Variants in CIZ1 observed in about 807,000 individuals in gnomAD.
CIZ1 encodes the protein cip1-interacting zinc finger protein.
Under a neutral mutation model 118.6 loss-of-function variants are expected in CIZ1, and 58 were observed. The ratio of observed to expected loss-of-function variants is 0.49; its 90% CI spans 0.40 to 0.61. CIZ1 has a LOEUF of 0.61. Ranked by LOEUF, CIZ1 falls within the 20% of genes least tolerant of loss-of-function variation. The pLI, the probability that CIZ1 is intolerant of heterozygous loss-of-function variation, is 0.00. For synonymous variants in CIZ1, 448 were observed against 443.4 expected (o/e 1.01, Z -0.13); for missense variants, 921 against 1,115.9 (o/e 0.83, Z 2.49).
At chr9:128,181,910 G>C (rs1436668813) in intron 5 of CIZ1, among the ~76,000 whole-genome samples, 1 of 152,184 alleles carries the variant, frequency 6.6e-6, no homozygotes, top group African/African-American at 2.4e-5. Context: ...GTGCTTCAGT[G>C]GTCACGCTCC....
At position 128,178,548 on chromosome 9, in the gene CIZ1, C is replaced by T. The variant is rs923074975; in HGVS notation, c.1499-58G>A. ...TCCCCAGGCCCAAGAGCTGCCTTCTCCGTCCGCAGCCAGAACCTTGAGGCC... is the reference window on the plus strand; with the variant it reads ...TCCCCAGGCCCAAGAGCTGCCTTCTTCGTCCGCAGCCAGAACCTTGAGGCC... On this transcript the variant is annotated intron_variant, in intron 8 of 16. Transcript: ENST00000372938. The T allele has an allele frequency of 9.9e-6, 16 of 1,611,340 alleles. No homozygotes were observed. The Admixed American group carries it at 1.9e-4, about 19-fold the overall frequency.
chr9:128,181,184 C>T (rs985723074), intron 5 of CIZ1, among the ~76,000 whole-genome samples: 5 of 152,066 alleles, frequency 3.3e-5, no homozygotes, highest in African/African-American at 7.2e-5. Flanking sequence ...AGCACAATCC[C>T]GGCTCACTGC....
In CIZ1 at chr9:128,178,963, G is replaced by T. The variant is rs546534863; in HGVS notation, c.1244C>A (p.Pro415His). 3.7e-6 allele frequency: 6 copies of T among 1,613,542 alleles called. No homozygotes were observed. In the East Asian group the frequency reaches 6.7e-5, roughly 18 times the overall value. Residue 415 changes from proline to histidine, a missense_variant, in exon 8 of 17, where the codon CCC becomes CAC. By Grantham distance (77) the Pro-to-His change is moderately conservative. Transcript: ENST00000372938. Reference sequence around the variant, plus strand: ...CAGCTGCAGCTGCACCTGCCTTGGGGGCTGTGAATGTGCCTGGGGCTGCAC... The same window carrying T: ...CAGCTGCAGCTGCACCTGCCTTGGGTGCTGTGAATGTGCCTGGGGCTGCAC... Reference protein sequence around the residue: ...PQVQPQAHSQPPRQVQLQLQK... With the variant: ...PQVQPQAHSQHPRQVQLQLQK...
At chr9:128,187,784 T>C (rs1832563090) in intron 4 of CIZ1, 79 bp downstream of exon 4, 3 of 402,264 alleles carry the variant, frequency 7.5e-6, no homozygotes, top group South Asian at 5.9e-5. Context: ...AAAACATTCA[T>C]GACATAGCTT....
Position 128,177,659 on chromosome 9 carries a change from G to A in CIZ1, c.1725C>T (p.Ser575=), listed in dbSNP as rs768945272. Residue 575 remains serine, a synonymous_variant, in exon 10 of 17, where the codon TCC becomes TCT. Coordinates refer to ENST00000372938, the MANE Select transcript of CIZ1 (RefSeq NM_001131016.2). The stretch of plus-strand genomic sequence containing the variant: ...TGGTAGCCGCAGGGGTGGAGGAGAC[G>A]GAGTCACTGGGGCGGGGGACAGGTG... ...PLTPVPRPSD[S]VSSTPAATST... 34 of 1,595,552 alleles carry A rather than the reference G, an allele frequency of 2.1e-5. No individual in the cohort carries two copies. The highest frequency in any genetic ancestry group is 1.4e-4 in the East Asian group (6 of 43,952).
Position 128,166,753 on chromosome 9 carries a change from G to T in CIZ1, c.2487+6C>A. On this transcript the variant is annotated splice_donor_region_variant and intron_variant, in intron 16 of 16. Transcript: ENST00000372938. The surrounding 1 kb of genome is among the most constrained non-coding windows in gnomAD (Gnocchi z 4.4). ...AGGGGAGGACAGGGCAGGATGTCCG[G>T]CTCACCTGCAGGTTCTCAAAGTGGC... 1 of 1,614,172 alleles carries T rather than the reference G, an allele frequency of 6.2e-7. No homozygotes were observed. Among genetic ancestry groups the T allele is most frequent in the Non-Finnish European group, 8.5e-7 (1 of 1,180,008 alleles).
At position 128,180,766 on chromosome 9, in the gene CIZ1, C is replaced by G. The variant is rs745629933; in HGVS notation, c.637G>C (p.Glu213Gln). The G allele has an allele frequency of 1.2e-6, 2 of 1,611,778 alleles. No homozygotes were observed. The highest frequency in any genetic ancestry group is 1.7e-6 in the Non-Finnish European group (2 of 1,179,526). Reference protein sequence around the residue: ...MPVEDKSDPPEGSEEAAEPRM... With the variant: ...MPVEDKSDPPQGSEEAAEPRM... ...GGCTCTGCGGCTTCCTCAGACCCCTCTGGGGGGTCTGACTTGTCTTCCACA... is the reference window on the plus strand; with the variant it reads ...GGCTCTGCGGCTTCCTCAGACCCCTGTGGGGGGTCTGACTTGTCTTCCACA... Residue 213 changes from glutamate to glutamine, a missense_variant, in exon 6 of 17, where the codon GAG becomes CAG. Glu to Gln is a conservative substitution (Grantham distance 29). Transcript: ENST00000372938.
chr9:128,168,789 C>T lies in CIZ1; in HGVS notation c.2295+263G>A, dbSNP rs113654462. ...TGCACACTACATAGTTTCCCACCTCCGTGCCTTTACTGATGCTGTTCCCTT... is the reference window on the plus strand; with the variant it reads ...TGCACACTACATAGTTTCCCACCTCTGTGCCTTTACTGATGCTGTTCCCTT... On this transcript the variant is annotated intron_variant, in intron 14 of 16. Coordinates refer to ENST00000372938, the MANE Select transcript of CIZ1 (RefSeq NM_001131016.2). 3,652 of 473,948 alleles carry T rather than the reference C, an allele frequency of 7.7e-3. 105 individuals are homozygous for T. The highest frequency in any genetic ancestry group is 0.064 in the African/African-American group (3,256 of 50,982). The allele number at this position is 473,948 out of a possible 1,614,324, so 29.4% of individuals were successfully genotyped here.
chr9:128,176,070 G>A (rs1440943261), intron 11 of CIZ1, among the ~76,000 whole-genome samples: 1 of 152,222 alleles, frequency 6.6e-6, no homozygotes, highest in Non-Finnish European at 1.5e-5. Context: ...GGGGGCAAGA[G>A]TCTGTGCCAC....
rs931196793 is a variant in CIZ1, at chr9:128,170,196, T to C, written c.1944-89A>G. On this transcript the variant is annotated intron_variant, in intron 11 of 16. Transcript: ENST00000372938. ...GCTCCATAAGTGTAATCCATTCCAA[T>C]AGCAACTCCCACAGGATCTCTTAGG... 7.4e-6 allele frequency: 8 copies of C among 1,075,450 alleles called. No homozygotes were observed. The African/African-American group carries it at 9.7e-5, about 13-fold the overall frequency. The allele number at this position is 1,075,450 out of a possible 1,614,324, so 66.6% of individuals were successfully genotyped here. A position where few individuals can be genotyped will look rare whatever the true frequency, so the allele number is the denominator to read the frequency against.
At chr9:128,168,528 G>GAA (rs530396817) in intron 14 of CIZ1, among the ~76,000 whole-genome samples, 2,772 of 119,258 alleles carry the variant, frequency 0.023, 76 homozygotes, top group African/African-American at 0.076. Context: ...AAAAAAAAAA[G>GAA]AAAAAAAAAA....
chr9:128,167,223 A>T, intron 14 of CIZ1, 59 bp from the exon 15 acceptor site: 1 of 1,338,654 alleles, frequency 7.5e-7, no homozygotes, highest in Non-Finnish European at 1.0e-6. Context: ...TCCCAGACAC[A>T]GGTCGGGGGC....
upstream of CIZ1, among the ~76,000 whole-genome samples, chr9:128,192,977 C>T (rs1184437596): frequency 6.6e-6 from 1 of 152,198 alleles, no homozygotes; most frequent in Admixed American, 6.5e-5. Flanking sequence ...CGCGCAGACC[C>T]GGGCAGGCGG....
chr9:128,179,406 C>T lies in CIZ1; in HGVS notation c.801G>A (p.Glu267=). 6.3e-7 allele frequency: 1 copy of T among 1,591,622 alleles called. No individual in the cohort carries two copies. ...LPAKRLRSSE[E]PTEKEPPGQL... is the part of the protein sequence containing the mutation. ...GCCCTGGAGGTTCCTTCTCTGTGGG[C>T]TCTTCTGAGCTAGGAAGGATCAAAA... Residue 267 remains glutamate (E), a synonymous_variant, in exon 8 of 17, where the codon GAG becomes GAA. Coordinates refer to ENST00000372938, the MANE Select transcript of CIZ1 (RefSeq NM_001131016.2).
chr9:128,192,029 C>G, upstream of CIZ1: 3 of 782,866 alleles, frequency 3.8e-6, no homozygotes, highest in Non-Finnish European at 5.5e-6. Flanking sequence ...GGGAGAGTCC[C>G]CCTCCAAGTC....
At chr9:128,185,509 T>TCC in intron 5 of CIZ1, 38 bp downstream of exon 5, 1 of 1,353,652 alleles carries the variant, frequency 7.4e-7, no homozygotes, top group Non-Finnish European at 1.0e-6. Context: ...ACACCCAGGG[T>TCC]CCCCTCCCGC....
intron 1 of CIZ1, among the ~76,000 whole-genome samples, chr9:128,202,398 G>T (rs1564313368): frequency 6.6e-6 from 1 of 152,282 alleles, no homozygotes; most frequent in Non-Finnish European, 1.5e-5. Context: ...GATTGTAGGA[G>T]CCCTGGATTT....
At chr9:128,204,102 GC>G in intron 1 of CIZ1, 1 of 152,912 alleles carries the variant, frequency 6.5e-6, no homozygotes, top group Non-Finnish European at 1.5e-5. Flanking sequence ...GCAGAGGTCA[GC>G]CCCCGCATCC....
chr9:128,173,802 C>CG (rs1830474004), intron 11 of CIZ1, among the ~76,000 whole-genome samples: 1 of 151,902 alleles, frequency 6.6e-6, no homozygotes, highest in Admixed American at 6.6e-5. Flanking sequence ...GTCAGGAGAT[C>CG]AAGACCATCC....
Sources: gnomAD v4.1 joint callset for allele counts (sites outside exome capture counted in the v4.1 genomes callset) on GRCh38, gnomAD v4.1.1 for gene constraint, Gnocchi (gnomAD v3.1) non-coding constraint, MANE v1.5 for transcripts, NCBI Gene and HGNC (gene_info 2026-07-23, HGNC 2026-07-21) for gene names.